Variants in VWA8 observed in about 807,000 individuals in gnomAD.
VWA8 encodes von Willebrand factor A domain-containing protein 8.
VWA8 carries 221 observed loss-of-function variants against 241.5 expected under a neutral mutation model. The ratio of observed to expected loss-of-function variants is 0.91; its 90% confidence interval spans 0.82 to 1.02. VWA8 has a LOEUF of 1.02. Ranked by LOEUF, VWA8 falls within the 50% of genes least tolerant of loss-of-function variation. The pLI is 0.00. For synonymous variants in VWA8, 852 were observed against 827.1 expected (o/e 1.03, Z -0.52); for missense variants, 2,322 against 2,328.7 (o/e 1.00, Z 0.06).
intron 37 of VWA8, among the ~76,000 whole-genome samples, chr13:41,624,778 C>T (rs1338430113): frequency 1.3e-5 from 2 of 152,164 alleles, no homozygotes; most frequent in Non-Finnish European, 2.9e-5. Context: ...CAAGGATGCC[C>T]TCTCATTACT....
At chr13:41,691,766 T>C in intron 31 of VWA8, 108 bp downstream of exon 31, 1 of 893,720 alleles carries the variant, frequency 1.1e-6, no homozygotes, top group Non-Finnish European at 1.7e-6. Flanking sequence ...ATTAAAACAT[T>C]CATAATTTGG....
At chr13:41,905,330 C>T (rs368912024) in intron 4 of VWA8, 2 of 151,946 alleles carry the variant, frequency 1.3e-5, no homozygotes, top group East Asian at 3.9e-4. Context: ...CATTACAAAA[C>T]TGGACAGTTA....
At chr13:41,749,344 A>C (rs2045635743) in intron 21 of VWA8, among the ~76,000 whole-genome samples, 2 of 152,236 alleles carry the variant, frequency 1.3e-5, no homozygotes, top group African/African-American at 4.8e-5. Context: ...ATCATTAAAA[A>C]GTCAGGAAAC....
At chr13:41,793,979 A>G (rs1020524311) in intron 17 of VWA8, among the ~76,000 whole-genome samples, 1 of 152,036 alleles carries the variant, frequency 6.6e-6, no homozygotes, top group Non-Finnish European at 1.5e-5. Flanking sequence ...TGAGTTCTCT[A>G]TTCTGTTCCA....
chr13:41,584,560 C>T (rs2044404572), intron 42 of VWA8, among the ~76,000 whole-genome samples: 1 of 152,206 alleles, frequency 6.6e-6, no homozygotes, highest in African/African-American at 2.4e-5. Context: ...GATTTTAATA[C>T]ACTGGGGTCT....
chr13:41,683,485 G>A (rs1414543488), intron 35 of VWA8, among the ~76,000 whole-genome samples: 1 of 152,068 alleles, frequency 6.6e-6, no homozygotes, highest in East Asian at 1.9e-4. Context: ...GAAGTTTTTG[G>A]GGTGATGAAA....
At chr13:41,852,200 A>G (rs1028744313) in intron 12 of VWA8, among the ~76,000 whole-genome samples, 4 of 152,162 alleles carry the variant, frequency 2.6e-5, no homozygotes, top group Non-Finnish European at 5.9e-5. Context: ...CACTTTTTAT[A>G]TGTACCTGTT....
chr13:41,689,503 CT>C lies in VWA8; in HGVS notation c.3981del (p.Glu1328SerfsTer18), dbSNP rs768588971. 1.0e-5 allele frequency: 16 copies of C among 1,604,876 alleles called. No homozygotes were observed. Among genetic ancestry groups the C allele is most frequent in the Non-Finnish European group, 1.3e-5 (15 of 1,176,472 alleles). On this transcript the variant is annotated frameshift_variant, in exon 34 of 45. Transcript: ENST00000379310. LOFTEE classifies it high-confidence loss of function. ...PSTGFGVTQETEFSIPHKISS... is the reference protein window; with the variant it reads ...PSTGFGVTQEXEFSIPHKISS... Reference sequence around the variant, plus strand: ...GAAATTTTATGAGGTATGCTGAACTCTGTTTCTGAAAAGTACAAACATTAGA... The same window carrying C: ...GAAATTTTATGAGGTATGCTGAACTCGTTTCTGAAAAGTACAAACATTAGA...
intron 37 of VWA8, among the ~76,000 whole-genome samples, chr13:41,644,276 CA>C (rs35292365): frequency 0.045 from 6,292 of 141,344 alleles, 167 homozygotes; most frequent in African/African-American, 0.086. Flanking sequence ...CCACCCCCGC[CA>C]AAAAAAAAAA....
chr13:41,597,552 T>C (rs1376396150), intron 40 of VWA8, among the ~76,000 whole-genome samples: 2 of 152,108 alleles, frequency 1.3e-5, no homozygotes, highest in Non-Finnish European at 2.9e-5. Context: ...TTAGAAGAGT[T>C]TATATTCTTG....
intron 12 of VWA8, among the ~76,000 whole-genome samples, chr13:41,849,092 T>C (rs1395832669): frequency 2.0e-5 from 3 of 152,250 alleles, no homozygotes. Context: ...TCTATGGTTC[T>C]GCCAAATGGC....
intron 37 of VWA8, among the ~76,000 whole-genome samples, chr13:41,650,090 G>A (rs1417565710): frequency 1.3e-5 from 2 of 152,068 alleles, no homozygotes; most frequent in African/African-American, 4.8e-5. Flanking sequence ...TTTAAAATTA[G>A]TTCACCATAT....
At chr13:41,877,430 T>A (rs1873951061) in intron 9 of VWA8, among the ~76,000 whole-genome samples, 1 of 152,064 alleles carries the variant, frequency 6.6e-6, no homozygotes, top group Admixed American at 6.6e-5. Context: ...ATTAAAATAG[T>A]TATTTATTGA....
intron 22 of VWA8, among the ~76,000 whole-genome samples, chr13:41,730,382 A>G (rs1248926183): frequency 1.3e-5 from 2 of 152,196 alleles, no homozygotes; most frequent in Non-Finnish European, 2.9e-5. Context: ...ATGAGTTCAC[A>G]CATGACAGAA....
chr13:41,784,737 C>CATATATATATATAT lies in VWA8; in HGVS notation c.2171-850_2171-837dup, dbSNP rs772223346. On this transcript the variant is annotated intron_variant, in intron 18 of 44. Coordinates refer to ENST00000379310, the MANE Select transcript of VWA8 (RefSeq NM_015058.2). ...ATATATATATATATATATACACACA[C>CATATATATATATAT]ATATATATATATATATATATATATA... is the stretch of plus-strand genomic sequence containing the variant. Among the ~76,000 whole-genome samples, 93 of 72,540 alleles carry CATATATATATATAT rather than the reference C, an allele frequency of 1.3e-3. 3 individuals are homozygous for CATATATATATATAT. The highest frequency in any genetic ancestry group is 3.4e-3 in the South Asian group (6 of 1,752). The allele number at this position is 72,540 out of a possible 152,430, so 47.6% of individuals were successfully genotyped here.
intron 29 of VWA8, among the ~76,000 whole-genome samples, chr13:41,698,249 A>G (rs2045227559): frequency 6.6e-6 from 1 of 152,042 alleles, no homozygotes; most frequent in Non-Finnish European, 1.5e-5. Flanking sequence ...GGCACATGAT[A>G]TATATTTGTT....
At chr13:41,931,279 TAA>T (rs67470859) in intron 2 of VWA8, among the ~76,000 whole-genome samples, 1,928 of 90,236 alleles carry the variant, frequency 0.021, 20 homozygotes, top group Middle Eastern at 0.053. Context: ...GACCCAGGGT[TAA>T]AAAAAAAAAA....
intron 2 of VWA8, among the ~76,000 whole-genome samples, chr13:41,948,343 T>A (rs977567846): frequency 2.0e-5 from 3 of 152,086 alleles, no homozygotes; most frequent in Non-Finnish European, 4.4e-5. Flanking sequence ...AGTTGCTAAA[T>A]GCTGGGAGGG....
intron 37 of VWA8, among the ~76,000 whole-genome samples, chr13:41,655,121 C>CAAAAAAA (rs2044894730): frequency 6.7e-6 from 1 of 148,752 alleles, no homozygotes; most frequent in Non-Finnish European, 1.5e-5. Flanking sequence ...GACAGAGTCT[C>CAAAAAAA]GCTCGTGGCC....
Sources: allele counts gnomAD v4.1 joint callset (sites outside exome capture counted in the v4.1 genomes callset), GRCh38; gene constraint gnomAD v4.1.1; transcripts MANE v1.5; gene names NCBI Gene and HGNC (gene_info 2026-07-23, HGNC 2026-07-21).